Variants in GMCL1 observed in about 807,000 individuals in gnomAD.
The protein encoded by GMCL1 is germ cell-less 1, spermatogenesis associated.
In GMCL1, 54 loss-of-function variants were observed where a neutral mutation model predicts 75.5. That is an observed-to-expected ratio of 0.71 (90% CI 0.57 to 0.90). The LOEUF is 0.90. Among genes scored for constraint, GMCL1 ranks in the 40% least tolerant of loss-of-function variants. The pLI is 0.00. For missense variants in GMCL1, 537 were observed against 622.7 expected (o/e 0.86, Z 1.47); for synonymous variants, 210 against 209.6 (o/e 1.00, Z -0.02).
At chr2:69,842,541 C>A (rs1201313696) in intron 4 of GMCL1, among the ~76,000 whole-genome samples, 1 of 152,042 alleles carries the variant, frequency 6.6e-6, no homozygotes, top group Admixed American at 6.5e-5. Context: ...ACTTAATATA[C>A]CTGCATGATG....
intron 1 of GMCL1, among the ~76,000 whole-genome samples, chr2:69,830,559 A>G (rs1674643350): frequency 6.6e-6 from 1 of 152,184 alleles, no homozygotes; most frequent in South Asian, 2.1e-4. Flanking sequence ...AATCTCTGAA[A>G]TAGGCACTCT....
intron 9 of GMCL1, among the ~76,000 whole-genome samples, chr2:69,861,032 G>A (rs966767764): frequency 2.0e-5 from 3 of 152,272 alleles, no homozygotes; most frequent in South Asian, 2.1e-4. Flanking sequence ...TAGTAGAGAC[G>A]GGGTTTTGCC....
chr2:69,851,845 A>G (rs185592029), intron 8 of GMCL1, among the ~76,000 whole-genome samples: 1 of 152,324 alleles, frequency 6.6e-6, no homozygotes, highest in Admixed American at 6.5e-5. Flanking sequence ...AGTTAAATAC[A>G]TTTTATAGAA....
chr2:69,863,112 C>T (rs941672676), intron 10 of GMCL1, among the ~76,000 whole-genome samples: 4 of 152,118 alleles, frequency 2.6e-5, no homozygotes, highest in African/African-American at 9.7e-5. Context: ...AGGACCCCTG[C>T]GTATACCAAA....
intron 11 of GMCL1, among the ~76,000 whole-genome samples, chr2:69,865,495 G>A (rs765763981): frequency 1.3e-5 from 2 of 151,658 alleles, no homozygotes; most frequent in Non-Finnish European, 2.9e-5. Context: ...TAAAAATACA[G>A]AAGTTAGCCA....
At chr2:69,848,988 T>A (rs1675232706) in intron 7 of GMCL1, among the ~76,000 whole-genome samples, 1 of 152,264 alleles carries the variant, frequency 6.6e-6, no homozygotes, top group African/African-American at 2.4e-5. Context: ...TAATCTCATA[T>A]AGTATTTAGT....
At chr2:69,875,714 G>A (rs1355517556) in intron 13 of GMCL1, among the ~76,000 whole-genome samples, 1 of 120,714 alleles carries the variant, frequency 8.3e-6, no homozygotes, top group East Asian at 2.3e-4. Flanking sequence ...TTTTTTTTTT[G>A]AAACGGAGTC....
At position 69,857,250 on chromosome 2, in the gene GMCL1, C is replaced by T. The variant is rs150864271; in HGVS notation, c.1072+2290C>T. On this transcript the variant is annotated intron_variant, in intron 9 of 13. Transcript: ENST00000282570. ...GATAGATCATGTTAGGTCACTCTCA[C>T]AGTTGTCTTCAACTCTGTGTCCTTC... Among the ~76,000 whole-genome samples, 530 of 152,298 alleles carry T rather than the reference C, an allele frequency of 3.5e-3. 15 individuals carry two copies. In the South Asian group the frequency reaches 0.078, roughly 22 times the overall value.
chr2:69,872,208 C>G (rs761625418), intron 13 of GMCL1, among the ~76,000 whole-genome samples: 1 of 152,136 alleles, frequency 6.6e-6, no homozygotes, highest in Non-Finnish European at 1.5e-5. Context: ...ATCTTAAAGA[C>G]AATCCTGTAT....
At position 69,843,167 on chromosome 2, in the gene GMCL1, T is replaced by C; in HGVS notation, c.598T>C (p.Cys200Arg). The stretch of plus-strand genomic sequence containing the variant: ...TTTACAGGACGGTTTAATACAGCAG[T>C]GTGGTGAGACAATGAAGGAAACAGT... ...LLQLDGLIQQ[C>R]GETMKETVNV... is the part of the protein sequence containing the mutation. Residue 200 changes from cysteine (C) to arginine (R), a missense_variant, in exon 5 of 14, where the codon TGT (cysteine) becomes CGT (arginine). Around this residue, in one of 3 missense-constraint regions of GMCL1, gnomAD observed 345 missense variants for 410.5 expected, o/e 0.84. Coordinates refer to ENST00000282570, the MANE Select transcript of GMCL1 (RefSeq NM_178439.5). 2 of 1,609,550 alleles carry C rather than the reference T, an allele frequency of 1.2e-6. No individual in the cohort carries two copies. Among genetic ancestry groups the C allele is most frequent in the Admixed American group, 1.7e-5 (1 of 59,982 alleles).
intron 1 of GMCL1, among the ~76,000 whole-genome samples, chr2:69,835,076 A>G (rs1674780112): frequency 6.6e-6 from 1 of 152,040 alleles, no homozygotes; most frequent in Non-Finnish European, 1.5e-5. Context: ...CCCACCTATA[A>G]CCAACTTCGT....
chr2:69,833,185 A>C (rs533574931), intron 1 of GMCL1, among the ~76,000 whole-genome samples: 1 of 152,376 alleles, frequency 6.6e-6, no homozygotes, highest in East Asian at 1.9e-4. Context: ...ACCAACTCCT[A>C]GACTACATGA....
intron 1 of GMCL1, among the ~76,000 whole-genome samples, chr2:69,835,875 G>C (rs372097945): frequency 3.9e-5 from 6 of 152,204 alleles, no homozygotes; most frequent in African/African-American, 1.4e-4. Flanking sequence ...CCATGACTTA[G>C]GGTGAATGGA....
intron 1 of GMCL1, among the ~76,000 whole-genome samples, chr2:69,831,692 G>A (rs1674677017): frequency 6.6e-6 from 1 of 151,912 alleles, no homozygotes; most frequent in Non-Finnish European, 1.5e-5. Context: ...ACTCTACCTC[G>A]ACCTCACAGA....
intron 13 of GMCL1, chr2:69,873,576 T>C (rs2104060408): frequency 6.5e-6 from 1 of 153,004 alleles, no homozygotes. Context: ...ATGATCCCAA[T>C]TTTTTGGCAG....
intron 3 of GMCL1, 144 bp downstream of exon 3, chr2:69,839,697 C>T (rs1251986149): frequency 3.7e-6 from 2 of 546,976 alleles, no homozygotes; most frequent in Non-Finnish European, 6.7e-6. Flanking sequence ...TGTTGATTTA[C>T]ACCATAGTTT....
chr2:69,858,125 C>T (rs1405418222), intron 9 of GMCL1, among the ~76,000 whole-genome samples: 2 of 152,132 alleles, frequency 1.3e-5, no homozygotes, highest in African/African-American at 2.4e-5. Context: ...AGATCAGATC[C>T]GTGACGCTGT....
rs1270772857 is a variant in GMCL1 at position 69,869,761 on chromosome 2, C to T, written c.1261C>T (p.Leu421Phe). The change falls in exon 12 of 14, where the codon CTT becomes TTT. Residue 421 changes from leucine to phenylalanine, a missense_variant. By Grantham distance (22) the Leu-to-Phe change is conservative. This residue lies in a region of GMCL1 where 345 missense variants were observed against 410.5 expected (regional missense o/e 0.84). Transcript: ENST00000282570. The part of the protein sequence containing the change: ...WTGFNFGFDL[L>F]VTYTNRYIIF... ...AGGTTTTAACTTCGGCTTCGACCTA[C>T]TTGTAACTTACACCAATCGATACAT... is the stretch of plus-strand genomic sequence containing the variant. 3 of 1,614,048 alleles carry T rather than the reference C, an allele frequency of 1.9e-6. No individual in the cohort carries two copies. The highest frequency in any genetic ancestry group is 2.2e-5 in the East Asian group (1 of 44,872).
intron 2 of GMCL1, among the ~76,000 whole-genome samples, chr2:69,838,852 G>A (rs1332895360): frequency 2.0e-5 from 3 of 152,082 alleles, no homozygotes; most frequent in African/African-American, 2.4e-5. Flanking sequence ...AAACAATATC[G>A]ATTTTGTTTA....
Sources: gnomAD v4.1 joint callset for allele counts (sites outside exome capture counted in the v4.1 genomes callset) on GRCh38, gnomAD v4.1.1 for gene constraint, gnomAD v4.1.1 regional missense constraint, MANE v1.5 for transcripts, NCBI Gene and HGNC (gene_info 2026-07-23, HGNC 2026-07-21) for gene names.